Variants in STAT4 observed in about 807,000 individuals in gnomAD.
STAT4 encodes the protein signal transducer and activator of transcription 4.
Under a neutral mutation model 110.5 loss-of-function variants are expected in STAT4, and 42 were observed. The ratio of observed to expected loss-of-function variants is 0.38; its 90% CI spans 0.30 to 0.49. The LOEUF (loss-of-function observed/expected upper bound fraction) is 0.49. Ranked by LOEUF, STAT4 falls within the 20% of genes least tolerant of loss-of-function variation. STAT4 has a pLI of 0.95. For missense variants in STAT4, 632 were observed against 887.9 expected (o/e 0.71, Z 3.66); for synonymous variants, 284 against 302.2 (o/e 0.94, Z 0.63).
intron 13 of STAT4, among the ~76,000 whole-genome samples, chr2:191,054,910 C>G (rs923275922): frequency 2.6e-5 from 4 of 152,108 alleles, no homozygotes; most frequent in Non-Finnish European, 5.9e-5. Flanking sequence ...CCAAGTCTAA[C>G]GAAGACTAGA....
At chr2:191,078,374 G>A (rs775977979) in intron 3 of STAT4, among the ~76,000 whole-genome samples, 1 of 151,940 alleles carries the variant, frequency 6.6e-6, no homozygotes, top group African/African-American at 2.4e-5. Context: ...TTCAGATTCA[G>A]TTTCCCCCAT....
Position 191,042,258 on chromosome 2 carries a change from T to C in STAT4, c.1252-1110A>G, listed in dbSNP as rs895004011. Among the ~76,000 whole-genome samples, 3 of 151,958 alleles carry C rather than the reference T, an allele frequency of 2.0e-5. No homozygotes were observed. The highest frequency in any genetic ancestry group is 1.3e-4 in the Admixed American group (2 of 15,260). ...CAGCAAGCTAATGATCATCAGGCAT[T>C]TGACAAAGACTTTCACATGAAATAA... On this transcript the variant is annotated intron_variant, in intron 14 of 23. Coordinates refer to ENST00000392320, the MANE Select transcript of STAT4 (RefSeq NM_003151.4). This position sits in a 1 kb window ranked among gnomAD's most constrained non-coding sequence, Gnocchi z 4.2.
intron 8 of STAT4, 120 bp from the exon 9 acceptor site, chr2:191,063,040 T>C: frequency 1.2e-6 from 1 of 823,732 alleles, no homozygotes; most frequent in Non-Finnish European, 1.7e-6. Flanking sequence ...ATTAATTAAA[T>C]GAATCACTTA....
rs1161389044 is a variant in STAT4 at position 191,031,179 on chromosome 2, A to G, written c.2112-99T>C. The stretch of plus-strand genomic sequence containing the variant: ...GGAACTCATTTCTAGGGCTTCATCT[A>G]TTTGTGACATTGAGTTATCTAATTC... On this transcript the variant is annotated intron_variant, in intron 22 of 23. Transcript: ENST00000392320. This position sits in a 1 kb window ranked among gnomAD's most constrained non-coding sequence, Gnocchi z 4.8. The G allele has an allele frequency of 2.5e-6, 3 of 1,218,118 alleles. No homozygotes were observed. The highest frequency in any genetic ancestry group is 3.8e-5 in the Admixed American group (2 of 52,866). 75.5% of individuals were successfully genotyped at this position (1,218,118 alleles called of 1,614,324 possible).
At chr2:191,131,656 T>A in intron 3 of STAT4, 2 of 766,184 alleles carry the variant, frequency 2.6e-6, no homozygotes, top group Non-Finnish European at 3.5e-6. Flanking sequence ...CACAAGAGGC[T>A]TCAAAGGTAA....
chr2:191,052,024 A>AG lies in STAT4; in HGVS notation c.1251+2465dup, dbSNP rs1696539479. 3.3e-5 allele frequency among the ~76,000 whole-genome samples: 5 copies of AG among 152,382 alleles called. No individual in the cohort carries two copies. The South Asian group carries it at 1.0e-3, about 32-fold the overall frequency. ...GTTGAAGACATTCTTAGCAGGCTAC[A>AG]GGTGCTCACAGATAAGCAATAGCAA... On this transcript the variant is annotated intron_variant, in intron 14 of 23. Transcript: ENST00000392320.
At chr2:191,129,023 T>C (rs1698958825) in intron 3 of STAT4, among the ~76,000 whole-genome samples, 1 of 152,210 alleles carries the variant, frequency 6.6e-6, no homozygotes, top group Non-Finnish European at 1.5e-5. Context: ...TTTTCGACTG[T>C]GAGCTTCATG....
At position 191,142,276 on chromosome 2, in the gene STAT4, C is replaced by T. The variant is rs1486408649; in HGVS notation, c.273+4337G>A. Among the ~76,000 whole-genome samples the T allele has an allele frequency of 6.6e-6, 1 of 151,712 alleles. No individual in the cohort carries two copies. The highest frequency in any genetic ancestry group is 1.9e-4 in the East Asian group (1 of 5,180). ...ACACATATAATAGAATACTATTTGG[C>T]CATAAAAAGAATAAAATCATGTCAT... On this transcript the variant is annotated intron_variant, in intron 3 of 23. Coordinates refer to ENST00000392320, the MANE Select transcript of STAT4 (RefSeq NM_003151.4). The surrounding 1 kb of genome is among the most constrained non-coding windows in gnomAD (Gnocchi z 4.1).
At chr2:191,149,133 G>C (rs1699529682) in intron 1 of STAT4, among the ~76,000 whole-genome samples, 1 of 152,082 alleles carries the variant, frequency 6.6e-6, no homozygotes, top group African/African-American at 2.4e-5. Context: ...ATTTTTGGTT[G>C]TTTTCTCAGC....
At position 191,064,973 on chromosome 2, in the gene STAT4, G is replaced by T. The variant is rs776253114; in HGVS notation, c.631-15C>A. On this transcript the variant is annotated splice_polypyrimidine_tract_variant and intron_variant, in intron 7 of 23. Transcript: ENST00000392320. ...CTGAGAGCCTCCTAAAAACAAAGGGGACTACTGAAGAGAGTTTCATAAGAA... is the reference window on the plus strand; with the variant it reads ...CTGAGAGCCTCCTAAAAACAAAGGGTACTACTGAAGAGAGTTTCATAAGAA... 8 of 1,564,550 alleles carry T rather than the reference G, an allele frequency of 5.1e-6. No homozygotes were observed. The East Asian group carries it at 1.7e-4, about 33-fold the overall frequency.
rs1043644883 is a variant in STAT4, at chr2:191,117,652, A to G, written c.273+28961T>C. ...CTTGAAGGATGGTTGGGGGAGTAGG[A>G]AATTGCATCCTGGGCAGAGGGCATT... On this transcript the variant is annotated intron_variant, in intron 3 of 23. Transcript: ENST00000392320. This position sits in a 1 kb window ranked among gnomAD's most constrained non-coding sequence, Gnocchi z 5.2. Among the ~76,000 whole-genome samples, 7 of 152,200 alleles carry G rather than the reference A, an allele frequency of 4.6e-5. No homozygotes were observed. Among genetic ancestry groups the G allele is most frequent in the Admixed American group, 3.9e-4 (6 of 15,286 alleles).
rs189202401 is a variant in STAT4 at position 191,076,979 on chromosome 2, T to C, written c.274-654A>G. On this transcript the variant is annotated intron_variant, in intron 3 of 23. Coordinates refer to ENST00000392320, the MANE Select transcript of STAT4 (RefSeq NM_003151.4). ...GAATGAGGTGGTCTCAATTTTTCACTTGTTAACTGTGTGTCATGGTTTGCT... is the reference window on the plus strand; with the variant it reads ...GAATGAGGTGGTCTCAATTTTTCACCTGTTAACTGTGTGTCATGGTTTGCT... Among the ~76,000 whole-genome samples, 212 of 152,320 alleles carry C rather than the reference T, an allele frequency of 1.4e-3. 1 individual carries two copies. The highest frequency in any genetic ancestry group is 0.011 in the Admixed American group (164 of 15,292).
intron 3 of STAT4, among the ~76,000 whole-genome samples, chr2:191,137,080 T>G (rs531013219): frequency 6.6e-6 from 1 of 152,150 alleles, no homozygotes; most frequent in Non-Finnish European, 1.5e-5. Flanking sequence ...GTGTGGCTCA[T>G]GTCTGTAATC....
At chr2:191,067,234 G>C (rs55646736) in intron 6 of STAT4, among the ~76,000 whole-genome samples, 6,272 of 152,016 alleles carry the variant, frequency 0.041, 136 homozygotes, top group Middle Eastern at 0.075. Context: ...TTGACATAGT[G>C]GTGGGGCTCA....
chr2:191,146,741 T>C lies in STAT4; in HGVS notation c.145A>G (p.Asn49Asp). ...ENQDWEAASN[N>D]ETMATILLQN... ...AGAAGAATCGTTGCCATGGTTTCAT[T>C]GTTAGAAGCTGCCTCCCTAAAAAAA... Residue 49 changes from asparagine to aspartate, a missense_variant, in exon 3 of 24, where the codon AAT (asparagine) becomes GAT (aspartate). This residue lies in a region of STAT4 where 488 missense variants were observed against 632.8 expected (regional missense o/e 0.77). Transcript: ENST00000392320. This position sits in a 1 kb window ranked among gnomAD's most constrained non-coding sequence, Gnocchi z 4.5. 1 of 1,556,112 alleles carries C rather than the reference T, an allele frequency of 6.4e-7. No homozygotes were observed. The highest frequency in any genetic ancestry group is 8.7e-7 in the Non-Finnish European group (1 of 1,156,010).
chr2:191,054,104 G>T (rs1382099124), intron 14 of STAT4, among the ~76,000 whole-genome samples: 1 of 148,522 alleles, frequency 6.7e-6, no homozygotes, highest in Non-Finnish European at 1.5e-5. Flanking sequence ...CTCCAGCCTG[G>T]GCAACAGAGT....
rs1325742273 is a variant in STAT4, at chr2:191,039,219, C to T, written c.1414G>A (p.Val472Met). Reference sequence around the variant, plus strand: ...TCTACCTGGGAATCGTTGGTTGACACGTTGTACCAAATGATGGATGCCCAA... The same window carrying T: ...TCTACCTGGGAATCGTTGGTTGACATGTTGTACCAAATGATGGATGCCCAA... ...NAWASIIWYN[V>M]STNDSQNLVF... Residue 472 changes from valine (V) to methionine (M), a missense_variant, in exon 16 of 24, where the codon GTG (valine) becomes ATG (methionine). Transcript: ENST00000392320. The surrounding 1 kb of genome is among the most constrained non-coding windows in gnomAD (Gnocchi z 4.7). The T allele has an allele frequency of 2.5e-6, 4 of 1,614,146 alleles. No individual in the cohort carries two copies. The highest frequency in any genetic ancestry group is 1.1e-5 in the South Asian group (1 of 91,086).
rs147842162 is a variant in STAT4 at position 191,039,368 on chromosome 2, C to T, written c.1336-71G>A. ...TTACATTGATCTTATGCTTGACCCT[C>T]GCCTCTAAAGGGCCAATCTCAAGCC... is the stretch of plus-strand genomic sequence containing the variant. On this transcript the variant is annotated intron_variant, in intron 15 of 23. Transcript: ENST00000392320. This position sits in a 1 kb window ranked among gnomAD's most constrained non-coding sequence, Gnocchi z 4.7. 2.6e-4 allele frequency: 373 copies of T among 1,413,704 alleles called. No individual in the cohort carries two copies. Among genetic ancestry groups the T allele is most frequent in the Non-Finnish European group, 3.3e-4 (331 of 1,000,384 alleles). 87.6% of individuals were successfully genotyped at this position (1,413,704 alleles called of 1,614,324 possible). A position where few individuals can be genotyped will look rare whatever the true frequency, so the allele number is the denominator to read the frequency against.
chr2:191,126,953 G>C (rs148219043), intron 3 of STAT4, among the ~76,000 whole-genome samples: 38 of 152,178 alleles, frequency 2.5e-4, no homozygotes, highest in African/African-American at 8.9e-4. Context: ...CCACGTAGCT[G>C]AGTCTACAGG....
Sources: gnomAD v4.1 joint callset for allele counts (sites outside exome capture counted in the v4.1 genomes callset) on GRCh38, gnomAD v4.1.1 for gene constraint, gnomAD v4.1.1 regional missense constraint, Gnocchi (gnomAD v3.1) non-coding constraint, MANE v1.5 for transcripts, NCBI Gene and HGNC (gene_info 2026-07-23, HGNC 2026-07-21) for gene names.